Variants in HACL1 observed in about 807,000 individuals in gnomAD.
The protein encoded by HACL1 is 1600020H07Rik.
A neutral mutation model predicts 74.2 loss-of-function variants in HACL1; 64 were observed. The ratio of observed to expected loss-of-function variants is 0.86; its 90% CI spans 0.70 to 1.06. HACL1 has a LOEUF of 1.06. HACL1 is among the 50% of genes least tolerant of loss of function. The pLI is 0.00. For synonymous variants in HACL1, 230 were observed against 238.8 expected (o/e 0.96, Z 0.34); for missense variants, 728 against 719.7 (o/e 1.01, Z -0.13).
intron 5 of HACL1, among the ~76,000 whole-genome samples, chr3:15,588,909 G>A (rs1027599766): frequency 4.6e-5 from 7 of 152,034 alleles, no homozygotes; most frequent in African/African-American, 1.7e-4. Context: ...CCTAAAGTCT[G>A]GGAGGCATAG....
Position 15,591,631 on chromosome 3 carries a change from C to T in HACL1, c.277G>A (p.Gly93Ser). 1 of 1,610,556 alleles carries T rather than the reference C, an allele frequency of 6.2e-7. No homozygotes were observed. The highest frequency in any genetic ancestry group is 8.5e-7 in the Non-Finnish European group (1 of 1,177,112). The change falls in exon 4 of 17, where the codon GGC becomes AGC. Residue 93 changes from glycine (G) to serine (S), a missense_variant. Physicochemically the swap from Gly to Ser is moderately conservative, Grantham distance 56 (BLOSUM62 0). Coordinates refer to ENST00000321169, the MANE Select transcript of HACL1 (RefSeq NM_012260.4). Reference sequence around the variant, plus strand: ...TTCATGTTTGCATTTGCCATACCGCCCAAGGCATGGATGAGACCTGGGCCA... The same window carrying T: ...TTCATGTTTGCATTTGCCATACCGCTCAAGGCATGGATGAGACCTGGGCCA... Reference protein sequence around the residue: ...VSGPGLIHALGGMANANMNCW... With the variant: ...VSGPGLIHALSGMANANMNCW...
At chr3:15,568,809 C>T (rs560566095) in intron 12 of HACL1, among the ~76,000 whole-genome samples, 18 of 152,226 alleles carry the variant, frequency 1.2e-4, no homozygotes, top group African/African-American at 3.9e-4. Flanking sequence ...TAAATAAGCT[C>T]GGGAATATCC....
rs1430392449 is a variant in HACL1 at position 15,582,970 on chromosome 3, A to G, written c.574T>C (p.Ser192Pro). ...NSIKYMERCM[S>P]PPISMAETSA... ...GTTTCTGCCATGCTAATAGGAGGTG[A>G]CATGCAGCGTTCCATGTACCTGGAA... The change falls in exon 8 of 17, where the codon TCA (serine) becomes CCA (proline). Residue 192 changes from serine (S) to proline (P), a missense_variant. Coordinates refer to ENST00000321169, the MANE Select transcript of HACL1 (RefSeq NM_012260.4). The G allele has an allele frequency of 6.2e-7, 1 of 1,601,534 alleles. No homozygotes were observed. The highest frequency in any genetic ancestry group is 1.7e-5 in the Admixed American group (1 of 59,504).
At chr3:15,598,007 T>C (rs2064101164) in intron 2 of HACL1, among the ~76,000 whole-genome samples, 1 of 151,542 alleles carries the variant, frequency 6.6e-6, no homozygotes, top group African/African-American at 2.4e-5. Flanking sequence ...TTTTGTTTTA[T>C]TTTGTTTTGT....
intron 8 of HACL1, among the ~76,000 whole-genome samples, chr3:15,580,644 C>T (rs1254883484): frequency 6.6e-6 from 1 of 152,188 alleles, no homozygotes; most frequent in Non-Finnish European, 1.5e-5. Context: ...TACTAAACTA[C>T]ACTCTACAAG....
chr3:15,566,899 A>ACGTTG (rs1320869551), intron 14 of HACL1, among the ~76,000 whole-genome samples: 20 of 147,924 alleles, frequency 1.4e-4, no homozygotes, highest in Non-Finnish European at 2.7e-4. Flanking sequence ...GCTCACTGCA[A>ACGTTG]ACTACACCTC....
chr3:15,560,811 A>C lies in HACL1; in HGVS notation c.*54T>G. ...TAGAGTAATTTTGCTGTGGAAAATA[A>C]AATTTCATCTTGCAAGAAAGAGAAA... On this transcript the variant is annotated 3_prime_UTR_variant, in exon 17 of 17. Transcript: ENST00000321169. 1 of 1,263,210 alleles carries C rather than the reference A, an allele frequency of 7.9e-7. No individual in the cohort carries two copies. Among genetic ancestry groups the C allele is most frequent in the Admixed American group, 1.9e-5 (1 of 53,162 alleles). The allele number at this position is 1,263,210 out of a possible 1,614,324, so 78.3% of individuals were successfully genotyped here. A position where few individuals can be genotyped will look rare whatever the true frequency, so the allele number is the denominator to read the frequency against.
intron 14 of HACL1, 80 bp downstream of exon 14, chr3:15,567,764 A>C (rs2063461967): frequency 1.5e-6 from 2 of 1,309,484 alleles, no homozygotes; most frequent in African/African-American, 2.9e-5. Flanking sequence ...CTTCATAAGT[A>C]TTTGTCAGGT....
chr3:15,588,648 T>C (rs193233277), intron 5 of HACL1, among the ~76,000 whole-genome samples: 1 of 152,150 alleles, frequency 6.6e-6, no homozygotes, highest in South Asian at 2.1e-4. Flanking sequence ...GAATATGTTG[T>C]ACAGACATAT....
At chr3:15,598,015 TG>T (rs1167168213) in intron 2 of HACL1, among the ~76,000 whole-genome samples, 3 of 151,740 alleles carry the variant, frequency 2.0e-5, no homozygotes, top group Admixed American at 6.7e-5. Flanking sequence ...TATTTTGTTT[TG>T]TTTTGTTTTT....
Position 15,560,819 on chromosome 3 carries a change from T to C in HACL1, c.*46A>G, listed in dbSNP as rs771934139. Reference sequence around the variant, plus strand: ...TTTTGCTGTGGAAAATAAAATTTCATCTTGCAAGAAAGAGAAAACTCAAGA... The same window carrying C: ...TTTTGCTGTGGAAAATAAAATTTCACCTTGCAAGAAAGAGAAAACTCAAGA... On this transcript the variant is annotated 3_prime_UTR_variant, in exon 17 of 17. Coordinates refer to ENST00000321169, the MANE Select transcript of HACL1 (RefSeq NM_012260.4). 5.9e-6 allele frequency: 8 copies of C among 1,359,676 alleles called. No individual in the cohort carries two copies. The highest frequency in any genetic ancestry group is 2.3e-5 in the East Asian group (1 of 43,678). 84.2% of individuals were successfully genotyped at this position (1,359,676 alleles called of 1,614,324 possible).
intron 9 of HACL1, among the ~76,000 whole-genome samples, chr3:15,579,057 A>T (rs2125252816): frequency 6.6e-6 from 1 of 152,370 alleles, no homozygotes; most frequent in East Asian, 1.9e-4. Context: ...GGAACTACTT[A>T]TATATGGTTA....
rs1006624216 is a variant in HACL1, at chr3:15,566,827, T to A, written c.1409+1017A>T. On this transcript the variant is annotated intron_variant, in intron 14 of 16. Coordinates refer to ENST00000321169, the MANE Select transcript of HACL1 (RefSeq NM_012260.4). ...CTTGGTTAAGTGACTTTTTTTTTTT[T>A]TTTTTTTTTGCGATGGAGTCTTGCT... 2.0e-5 allele frequency among the ~76,000 whole-genome samples: 3 copies of A among 148,804 alleles called. 1 individual carries two copies. The highest frequency in any genetic ancestry group is 4.5e-5 in the Non-Finnish European group (3 of 67,104).
intron 2 of HACL1, among the ~76,000 whole-genome samples, chr3:15,596,816 G>C (rs1249626425): frequency 2.6e-5 from 4 of 151,352 alleles, no homozygotes; most frequent in Non-Finnish European, 5.9e-5. Flanking sequence ...AATTTTTGTT[G>C]GTTTTTCTCT....
chr3:15,581,773 T>C (rs192795074), intron 8 of HACL1, among the ~76,000 whole-genome samples: 6 of 152,328 alleles, frequency 3.9e-5, no homozygotes, highest in Admixed American at 3.9e-4. Flanking sequence ...ACCAGGTCTA[T>C]CTCCCCTCCC....
At chr3:15,582,816 T>C (rs983446366) in intron 8 of HACL1, 61 bp downstream of exon 8, 2 of 788,146 alleles carry the variant, frequency 2.5e-6, no homozygotes, top group Non-Finnish European at 4.4e-6. Context: ...ACAATGAAAG[T>C]TTGTAAAAAG....
intron 9 of HACL1, among the ~76,000 whole-genome samples, chr3:15,576,786 G>A (rs996814733): frequency 6.6e-6 from 1 of 151,668 alleles, no homozygotes; most frequent in Non-Finnish European, 1.5e-5. Context: ...TACTGCTTTT[G>A]TCTTCTTCAG....
At chr3:15,567,274 G>A (rs563548880) in intron 14 of HACL1, among the ~76,000 whole-genome samples, 4 of 144,188 alleles carry the variant, frequency 2.8e-5, no homozygotes, top group African/African-American at 7.7e-5. Context: ...GCAGTGGTGC[G>A]ATTTCAGCTC....
At chr3:15,560,991 T>C in intron 16 of HACL1, 94 bp from the exon 17 acceptor site, 12 of 958,994 alleles carry the variant, frequency 1.3e-5, no homozygotes, top group Non-Finnish European at 8.2e-6. Context: ...CTAAAAGTCC[T>C]ACACAATGGT....
Sources: gnomAD v4.1 joint callset for allele counts (sites outside exome capture counted in the v4.1 genomes callset) on GRCh38, gnomAD v4.1.1 for gene constraint, MANE v1.5 for transcripts, NCBI Gene and HGNC (gene_info 2026-07-23, HGNC 2026-07-21) for gene names.